The following ABCA9 variants were observed in gnomAD, a reference collection of about 807,000 sequenced individuals.
ABCA9 encodes the protein ATP-binding cassette sub-family A member 9.
ABCA9 carries 183 observed loss-of-function variants against 205.3 expected under a neutral mutation model. The observed-to-expected ratio is 0.89, with a 90% CI of 0.79 to 1.01. ABCA9 has a LOEUF of 1.01. Among genes scored for constraint, ABCA9 ranks in the 50% least tolerant of loss-of-function variants. ABCA9 has a pLI of 0.00. For missense variants in ABCA9, 1,805 were observed against 1,912.4 expected, an observed-to-expected ratio of 0.94 and a Z score of 1.05; for synonymous variants, 651 against 683.3, an observed-to-expected ratio of 0.95 and a Z score of 0.74.
upstream of ABCA9, among the ~76,000 whole-genome samples, chr17:69,063,821 C>A (rs1215008854): frequency 6.6e-6 from 1 of 152,224 alleles, no homozygotes; most frequent in Non-Finnish European, 1.5e-5. Context: ...ATCCGCCCGC[C>A]TCGGCCTCCC....
At position 69,018,468 on chromosome 17, in the gene ABCA9, T is replaced by C; in HGVS notation, c.2712A>G (p.Ser904=). The change falls in exon 20 of 39, where the codon TCA becomes TCG. Residue 904 remains serine (S), a synonymous_variant. Coordinates refer to ENST00000340001, the MANE Select transcript of ABCA9 (RefSeq NM_080283.4). ...WELSPNTYFL[S]PGQQPQDPLT... ...GAGGATCCTGTGGTTGTTGTCCTGG[T>C]GAGAGGAAGTATGTATTTGGAGACA... The C allele has an allele frequency of 6.2e-7, 1 of 1,607,860 alleles. No homozygotes were observed. Among genetic ancestry groups the C allele is most frequent in the South Asian group, 1.1e-5 (1 of 90,198 alleles).
chr17:69,026,506 C>T (rs751956523), intron 15 of ABCA9, 39 bp from the exon 16 acceptor site: 1 of 1,523,096 alleles, frequency 6.6e-7, no homozygotes, highest in Non-Finnish European at 9.1e-7. Flanking sequence ...ACATGAAGGA[C>T]TTATTTCTTT....
the ABCA9 span, among the ~76,000 whole-genome samples, chr17:69,068,888 T>C: frequency 6.6e-6 from 1 of 152,186 alleles, no homozygotes; most frequent in African/African-American, 2.4e-5. Context: ...ACAGCAGTTA[T>C]ATGGGAGGAG....
chr17:69,041,285 C>T (rs551630088), intron 6 of ABCA9, among the ~76,000 whole-genome samples: 5 of 152,162 alleles, frequency 3.3e-5, no homozygotes, highest in Admixed American at 6.6e-5. Context: ...AAATGCTGTA[C>T]AAGTAAAATG....
chr17:68,985,075 A>G lies in ABCA9; in HGVS notation c.4262T>C (p.Leu1421Ser). 1 of 1,614,152 alleles carries G rather than the reference A, an allele frequency of 6.2e-7. No homozygotes were observed. Among genetic ancestry groups the G allele is most frequent in the Non-Finnish European group, 8.5e-7 (1 of 1,180,036 alleles). Residue 1421 changes from leucine (L) to serine (S), a missense_variant, in exon 33 of 39, where the codon TTG (leucine) becomes TCG (serine). Leu to Ser is a moderately radical substitution (Grantham distance 145, BLOSUM62 -2). Transcript: ENST00000340001. Reference sequence around the variant, plus strand: ...TACCTTTCGCTTTATTCCCTCTGACAAGGTCTTCACGGGAGCCTTCAGCTG... The same window carrying G: ...TACCTTTCGCTTTATTCCCTCTGACGAGGTCTTCACGGGAGCCTTCAGCTG... ...QDQLKAPVKT[L>S]SEGIKRKLCF...
intron 37 of ABCA9, among the ~76,000 whole-genome samples, chr17:68,980,860 C>T (rs1042001166): frequency 2.0e-5 from 3 of 150,360 alleles, no homozygotes; most frequent in Admixed American, 2.0e-4. Flanking sequence ...CACATATATA[C>T]ATATGTAACT....
At chr17:69,057,975 C>T (rs566073099) in intron 1 of ABCA9, among the ~76,000 whole-genome samples, 3 of 152,240 alleles carry the variant, frequency 2.0e-5, no homozygotes, top group Non-Finnish European at 4.4e-5. Context: ...GCAAATATGA[C>T]ACCATTTTAC....
chr17:68,997,681 C>G (rs1353845302), intron 25 of ABCA9, among the ~76,000 whole-genome samples: 1 of 149,286 alleles, frequency 6.7e-6, no homozygotes, highest in Non-Finnish European at 1.5e-5. Flanking sequence ...AATTGAGTGG[C>G]AGGTTAAGAG....
chr17:69,046,744 A>C (rs1281236006), intron 3 of ABCA9, among the ~76,000 whole-genome samples: 6 of 151,204 alleles, frequency 4.0e-5, no homozygotes, highest in Non-Finnish European at 7.4e-5. Flanking sequence ...TTGGGTTTCA[A>C]TTTCTTTTTG....
intron 12 of ABCA9, 42 bp from the exon 13 acceptor site, chr17:69,027,857 C>A: frequency 6.8e-7 from 1 of 1,462,306 alleles, no homozygotes; most frequent in South Asian, 1.3e-5. Flanking sequence ...GAAAATGTGT[C>A]ATGCTTCATT....
At chr17:68,985,962 GAAAA>G (rs1402769449) in intron 32 of ABCA9, among the ~76,000 whole-genome samples, 198 bp downstream of exon 32, 10 of 151,432 alleles carry the variant, frequency 6.6e-5, no homozygotes, top group South Asian at 4.2e-4. Context: ...AAGGAAAAAA[GAAAA>G]AGAAAAAGAA....
intron 37 of ABCA9, 84 bp from the exon 38 acceptor site, chr17:68,976,274 T>A: frequency 8.9e-7 from 1 of 1,120,492 alleles, no homozygotes; most frequent in Non-Finnish European, 1.3e-6. Context: ...TACATACAAG[T>A]AGATCTTAAA....
Position 69,017,092 on chromosome 17 carries a change from A to G in ABCA9, c.2901+564T>C, listed in dbSNP as rs1001513150. On this transcript the variant is annotated intron_variant, in intron 21 of 38. Transcript: ENST00000340001. ...ATATAATGAGAACTATCTTGAAGGTAATTTCTTACTTTATTTTTGGCATGG... is the reference window on the plus strand; with the variant it reads ...ATATAATGAGAACTATCTTGAAGGTGATTTCTTACTTTATTTTTGGCATGG... Among the ~76,000 whole-genome samples the G allele has an allele frequency of 3.3e-5, 5 of 152,178 alleles. No homozygotes were observed. The South Asian group carries it at 1.0e-3, about 32-fold the overall frequency.
intron 37 of ABCA9, among the ~76,000 whole-genome samples, chr17:68,981,326 GAAAAAAA>G (rs966881812): frequency 6.8e-6 from 1 of 146,682 alleles, no homozygotes; most frequent in African/African-American, 2.5e-5. Flanking sequence ...TATGTGATGT[GAAAAAAA>G]AAAGAAAAAA....
At chr17:69,049,168 G>A (rs2071817323) in intron 3 of ABCA9, 115 bp downstream of exon 3, 3 of 1,168,298 alleles carry the variant, frequency 2.6e-6, no homozygotes, top group South Asian at 1.7e-5. Context: ...ATACGTTAAT[G>A]TTGTTAATAA....
chr17:69,071,314 G>A, the ABCA9 span, among the ~76,000 whole-genome samples: 8 of 152,176 alleles, frequency 5.3e-5, no homozygotes, highest in Non-Finnish European at 8.8e-5. Flanking sequence ...CTCCCAGCAG[G>A]GGTTGACAGA....
chr17:68,993,155 A>G, intron 26 of ABCA9, 71 bp from the exon 27 acceptor site: 2 of 1,268,306 alleles, frequency 1.6e-6, no homozygotes, highest in Non-Finnish European at 2.3e-6. Flanking sequence ...CCCACTTAAG[A>G]TAAACTGATG....
intron 17 of ABCA9, 119 bp downstream of exon 17, chr17:69,024,095 G>T: frequency 9.1e-7 from 1 of 1,093,464 alleles, no homozygotes; most frequent in Non-Finnish European, 1.3e-6. Flanking sequence ...AATATTAAAT[G>T]AGTAAACGCA....
intron 9 of ABCA9, chr17:69,033,003 T>G (rs1336938661): frequency 5.9e-5 from 9 of 151,998 alleles, no homozygotes; most frequent in Non-Finnish European, 1.3e-4. Flanking sequence ...AGATTTTGTT[T>G]CTCTATAGGA....
Sources: gnomAD v4.1 joint callset for allele counts (sites outside exome capture counted in the v4.1 genomes callset) on GRCh38, gnomAD v4.1.1 for gene constraint, MANE v1.5 for transcripts, NCBI Gene and HGNC (gene_info 2026-07-23, HGNC 2026-07-21) for gene names.